Variants in SEMA4D observed in about 807,000 individuals in gnomAD.
The protein encoded by SEMA4D is semaphorin-4D.
SEMA4D carries 22 observed loss-of-function variants against 74.8 expected under a neutral mutation model. The ratio of observed to expected loss-of-function variants is 0.29; its 90% CI spans 0.21 to 0.42. SEMA4D has a LOEUF of 0.42. SEMA4D is among the 10% of genes least tolerant of loss of function. The pLI is 1.00. For synonymous variants in SEMA4D, 445 were observed against 463.7 expected (o/e 0.96, Z 0.52); for missense variants, 937 against 1,118.4 (o/e 0.84, Z 2.31).
intron 2 of SEMA4D, among the ~76,000 whole-genome samples, chr9:89,453,579 T>C (rs2135483948): frequency 6.6e-6 from 1 of 152,334 alleles, no homozygotes; most frequent in East Asian, 1.9e-4. Flanking sequence ...GAGACCCCAG[T>C]ACCCCAGACC....
chr9:89,418,144 T>A, intron 2 of SEMA4D: 1 of 973,200 alleles, frequency 1.0e-6, no homozygotes, highest in Non-Finnish European at 1.2e-6. Context: ...GAAACAAGGC[T>A]ATTTAAGCCC....
chr9:89,386,317 A>C, intron 13 of SEMA4D, 50 bp downstream of exon 13: 1 of 1,416,368 alleles, frequency 7.1e-7, no homozygotes, highest in Non-Finnish European at 9.9e-7. Context: ...ACCTAGAATC[A>C]AAGCCACCGA....
At chr9:89,446,878 G>A (rs1298246776) in intron 2 of SEMA4D, among the ~76,000 whole-genome samples, 2 of 152,274 alleles carry the variant, frequency 1.3e-5, no homozygotes, top group African/African-American at 2.4e-5. Flanking sequence ...TGTCCAGCTC[G>A]GAGGACTCGA....
At chr9:89,371,677 GT>G (rs1241348753) in intron 16 of SEMA4D, among the ~76,000 whole-genome samples, 1 of 99,464 alleles carries the variant, frequency 1.0e-5, no homozygotes, top group Non-Finnish European at 2.1e-5. Flanking sequence ...TGTCTGGGGT[GT>G]GTGTGTGGGG....
Position 89,381,346 on chromosome 9 carries a change from C to T in SEMA4D, c.1447G>A (p.Gly483Ser). 5 of 1,472,352 alleles carry T rather than the reference C, an allele frequency of 3.4e-6. No homozygotes were observed. The South Asian group carries it at 4.1e-5, about 12-fold the overall frequency. 91.2% of individuals were successfully genotyped at this position (1,472,352 alleles called of 1,614,324 possible). The stretch of plus-strand genomic sequence containing the variant: ...GAGCCAGCATAGACAAACCTGTTGC[C>T]CTGCGTGTATGAGACAGAGAAGAAC... The part of the protein sequence containing the change: ...VQTLLLSSKK[G>S]NRFVYAGSNS... The change falls in exon 14 of 16, where the codon GGC becomes AGC. Residue 483 changes from glycine to serine, a missense_variant and splice_region_variant. Gly to Ser is a moderately conservative substitution (Grantham distance 56). Transcript: ENST00000422704. This position sits in a 1 kb window ranked among gnomAD's most constrained non-coding sequence, Gnocchi z 4.6.
At chr9:89,425,690 A>AGTGT (rs1847948139) in intron 2 of SEMA4D, among the ~76,000 whole-genome samples, 1 of 151,570 alleles carries the variant, frequency 6.6e-6, no homozygotes, top group Admixed American at 6.6e-5. Context: ...CTGTACATCC[A>AGTGT]CCCCCTCCCC....
intron 2 of SEMA4D, among the ~76,000 whole-genome samples, chr9:89,432,707 AAAAC>A (rs371930785): frequency 5.3e-5 from 8 of 152,378 alleles, no homozygotes; most frequent in Non-Finnish European, 7.3e-5. Flanking sequence ...AAAAAAGCAA[AAAAC>A]AAACAAACAA....
At chr9:89,371,762 G>C (rs1233878882) in intron 16 of SEMA4D, among the ~76,000 whole-genome samples, 1 of 92,628 alleles carries the variant, frequency 1.1e-5, no homozygotes, top group African/African-American at 4.3e-5. Flanking sequence ...TGGTGTGTGT[G>C]TGGGGGGTGT....
rs113673358 is a variant in SEMA4D at position 89,494,168 on chromosome 9, T to C, written c.-310+3751A>G. 5.3e-5 allele frequency among the ~76,000 whole-genome samples: 8 copies of C among 152,348 alleles called. 1 individual carries two copies. The highest frequency in any genetic ancestry group is 1.7e-4 in the African/African-American group (7 of 41,580). ...ATTTAAAACGCCAGAGGAAAGTATA[T>C]GACCTAATGAAGACCACTTTTTGAA... On this transcript the variant is annotated intron_variant, in intron 1 of 15. Coordinates refer to ENST00000422704, the MANE Select transcript of SEMA4D (RefSeq NM_001371194.2).
chr9:89,425,067 C>T (rs12686034), intron 2 of SEMA4D, among the ~76,000 whole-genome samples: 39,979 of 151,978 alleles, frequency 0.26, 5,423 homozygotes, highest in African/African-American at 0.33. Flanking sequence ...CTAGACCCAG[C>T]CCCCCAGATA....
In SEMA4D at chr9:89,386,471, G is replaced by A. The variant is rs776395696; in HGVS notation, c.1342C>T (p.Leu448=). 1 of 1,613,642 alleles carries A rather than the reference G, an allele frequency of 6.2e-7. No individual in the cohort carries two copies. Among genetic ancestry groups the A allele is most frequent in the Non-Finnish European group, 8.5e-7 (1 of 1,179,636 alleles). Residue 448 remains leucine, a synonymous_variant, in exon 13 of 16, where the codon CTG becomes TTG. Coordinates refer to ENST00000422704, the MANE Select transcript of SEMA4D (RefSeq NM_001371194.2). ...VMFVSTDRGA[L]HKAISLEHAV... ...TGCTCGAGGCTGATGGCTTTGTGCA[G>A]AGCTCCCCGGTCTGCAGGGCCAAAG...
intron 1 of SEMA4D, among the ~76,000 whole-genome samples, chr9:89,456,727 A>C (rs6559355): frequency 0.93 from 141,443 of 152,212 alleles, 66,224 homozygotes; most frequent in Non-Finnish European, 1. Context: ...GCTGAGCTTA[A>C]AGGCACATGC....
intron 1 of SEMA4D, among the ~76,000 whole-genome samples, chr9:89,480,633 A>G (rs1052639132): frequency 1.1e-4 from 17 of 152,350 alleles, no homozygotes; most frequent in Admixed American, 9.8e-4. Flanking sequence ...TGGGGGACTC[A>G]GTACACCCTC....
At chr9:89,410,710 C>T (rs573454074) in intron 2 of SEMA4D, among the ~76,000 whole-genome samples, 3 of 152,314 alleles carry the variant, frequency 2.0e-5, no homozygotes, top group East Asian at 3.8e-4. Flanking sequence ...CCTGAGCTTT[C>T]GGAATAACAG....
intron 1 of SEMA4D, among the ~76,000 whole-genome samples, chr9:89,456,418 T>C (rs986152289): frequency 3.3e-5 from 5 of 152,210 alleles, no homozygotes; most frequent in Non-Finnish European, 7.3e-5. Context: ...AGTCCCTAAT[T>C]TAAAATCACA....
At chr9:89,418,222 T>C (rs1587732791) in intron 2 of SEMA4D, 1 of 722,922 alleles carries the variant, frequency 1.4e-6, no homozygotes, top group Non-Finnish European at 1.7e-6. Context: ...TTATTGTGAG[T>C]TTAAACCTTC....
At chr9:89,415,735 T>G (rs1313694281) in intron 2 of SEMA4D, among the ~76,000 whole-genome samples, 1 of 152,216 alleles carries the variant, frequency 6.6e-6, no homozygotes, top group African/African-American at 2.4e-5. Flanking sequence ...TGTCACCCAG[T>G]CTATGACATT....
chr9:89,378,809 C>T lies in SEMA4D; in HGVS notation c.2484G>A (p.Thr828=), dbSNP rs45483393. 59,205 of 1,614,110 alleles carry T rather than the reference C, an allele frequency of 0.037. 1,631 individuals carry two copies. Among genetic ancestry groups the T allele is most frequent in the East Asian group, 0.12 (5,578 of 44,864 alleles). The change falls in exon 16 of 16, where the codon ACG becomes ACA. Residue 828 remains threonine, a synonymous_variant. Coordinates refer to ENST00000422704, the MANE Select transcript of SEMA4D (RefSeq NM_001371194.2). Reference sequence around the variant, plus strand: ...CGATCCTCTGTGAGTCCTCCCTATCCGTGGGGACTTTGCTGGTGATGGTGT... The same window carrying T: ...CGATCCTCTGTGAGTCCTCCCTATCTGTGGGGACTTTGCTGGTGATGGTGT... ...EQDTITSKVP[T]DREDSQRIDD...
chr9:89,473,161 C>T lies in SEMA4D; in HGVS notation c.-309-17208G>A, dbSNP rs1177591031. On this transcript the variant is annotated intron_variant, in intron 1 of 15. Coordinates refer to ENST00000422704, the MANE Select transcript of SEMA4D (RefSeq NM_001371194.2). Reference sequence around the variant, plus strand: ...TACTGTAAGATATCTGCCACTTTTCCTAAGATATTGTAAATGATACTACAT... The same window carrying T: ...TACTGTAAGATATCTGCCACTTTTCTTAAGATATTGTAAATGATACTACAT... Among the ~76,000 whole-genome samples the T allele has an allele frequency of 3.3e-5, 5 of 152,116 alleles. No homozygotes were observed. The South Asian group carries it at 8.3e-4, about 25-fold the overall frequency.
Sources: allele counts gnomAD v4.1 joint callset (sites outside exome capture counted in the v4.1 genomes callset), GRCh38; gene constraint gnomAD v4.1.1; non-coding constraint Gnocchi (gnomAD v3.1); transcripts MANE v1.5; gene names NCBI Gene and HGNC (gene_info 2026-07-23, HGNC 2026-07-21).